Variants in PCDH11X observed in about 807,000 individuals in gnomAD.
PCDH11X encodes protocadherin 11 X-linked.
PCDH11X carries 18 observed loss-of-function variants against 53.3 expected under a neutral mutation model. The observed-to-expected ratio is 0.34, with a 90% confidence interval of 0.23 to 0.50. PCDH11X has a LOEUF of 0.50. Ranked by LOEUF, PCDH11X falls within the 20% of genes least tolerant of loss-of-function variation. The probability of loss-of-function intolerance (pLI) is 0.98; values close to 1 mark genes in which losing one functional copy is unlikely to be tolerated. For missense variants in PCDH11X, 570 were observed against 1,032.4 expected, an observed-to-expected ratio of 0.55 and a Z score of 6.14; for synonymous variants, 279 against 393.3, an observed-to-expected ratio of 0.71 and a Z score of 3.44.
intron 6 of PCDH11X, among the ~76,000 whole-genome samples, chrX:91,903,801 A>T (rs1439562698): frequency 9.0e-6 from 1 of 110,595 alleles, no homozygotes; most frequent in Non-Finnish European, 1.9e-5. Flanking sequence ...AAAATCAGCT[A>T]GGAGAACCAG....
intron 8 of PCDH11X, among the ~76,000 whole-genome samples, chrX:92,270,112 C>CT (rs760007148): frequency 0.06 from 5,713 of 95,489 alleles, 300 homozygotes; most frequent in East Asian, 0.26. Flanking sequence ...GCTTCCTTTT[C>CT]TTTTTTTTTT....
At chrX:92,037,096 A>T (rs1405303257) in intron 6 of PCDH11X, among the ~76,000 whole-genome samples, 1 of 111,360 alleles carries the variant, frequency 9.0e-6, no homozygotes, top group Non-Finnish European at 1.9e-5. Flanking sequence ...GAAAATGCAG[A>T]TTCATTACAT....
intron 7 of PCDH11X, among the ~76,000 whole-genome samples, chrX:92,222,522 T>C (rs1474961843): frequency 8.9e-6 from 1 of 111,898 alleles, no homozygotes; most frequent in Non-Finnish European, 1.9e-5. Context: ...GTTGGCTCTT[T>C]TCTATGATGT....
At chrX:91,854,243 G>A (rs1254408505) in intron 5 of PCDH11X, among the ~76,000 whole-genome samples, 1 of 111,636 alleles carries the variant, frequency 9.0e-6, no homozygotes. Flanking sequence ...CCACAAATAT[G>A]TGAGAACGTG....
intron 10 of PCDH11X, among the ~76,000 whole-genome samples, chrX:92,609,060 T>C (rs7058592): frequency 0.034 from 3,754 of 111,486 alleles, 167 homozygotes; most frequent in African/African-American, 0.12. Context: ...TCATCCATGT[T>C]GCTCTAAGAA....
At chrX:92,326,622 C>CTATA (rs1160866218) in intron 8 of PCDH11X, among the ~76,000 whole-genome samples, 2 of 45,802 alleles carry the variant, frequency 4.4e-5, no homozygotes, top group African/African-American at 3.0e-4. Context: ...TTTTAATAAA[C>CTATA]TATATATATA....
Position 92,221,278 on chromosome X carries a change from A to AATACAC in PCDH11X, c.3114+19824_3114+19825insTACACA, listed in dbSNP as rs1249262957. The stretch of plus-strand genomic sequence containing the variant: ...TTTTAAAAAAGAAAACATTGTATAC[A>AATACAC]ACACACACACACACACACACACACA... On this transcript the variant is annotated intron_variant, in intron 7 of 10. Transcript: ENST00000682573. Among the ~76,000 whole-genome samples the AATACAC allele has an allele frequency of 3.5e-3, 306 of 88,029 alleles. 8 individuals are homozygous for AATACAC. The highest frequency in any genetic ancestry group is 4.0e-3 in the Non-Finnish European group (187 of 46,760). The allele number at this position is 88,029 out of a possible 115,157, so 76.4% of individuals were successfully genotyped here.
chrX:92,321,744 G>A (rs1370707782), intron 8 of PCDH11X, among the ~76,000 whole-genome samples: 1 of 111,044 alleles, frequency 9.0e-6, no homozygotes, highest in East Asian at 2.9e-4. Flanking sequence ...CACCCCAAAA[G>A]GAAGGAAGTA....
chrX:92,142,745 G>A (rs1349550989), intron 6 of PCDH11X, among the ~76,000 whole-genome samples: 2 of 107,803 alleles, frequency 1.9e-5, no homozygotes, highest in African/African-American at 6.6e-5. Flanking sequence ...GTGAACTACT[G>A]GATCATCTAC....
At chrX:91,797,736 A>G (rs1200919307) in intron 1 of PCDH11X, among the ~76,000 whole-genome samples, 4 of 106,816 alleles carry the variant, frequency 3.7e-5, no homozygotes, top group African/African-American at 1.4e-4. Context: ...CAAAAAACTC[A>G]CTCTATATTT....
In PCDH11X at chrX:92,592,679, C is replaced by T. The variant is rs748548945; in HGVS notation, c.3368-25585C>T. Among the ~76,000 whole-genome samples, 6 of 111,770 alleles carry T rather than the reference C, an allele frequency of 5.4e-5. No homozygotes were observed. The East Asian group carries it at 1.4e-3, about 26-fold the overall frequency. On this transcript the variant is annotated intron_variant, in intron 10 of 10. Coordinates refer to ENST00000682573, the MANE Select transcript of PCDH11X (RefSeq NM_032968.5). ...CGGGGAAGCGGAGGTTGCAGTGAGC[C>T]GAGATCGCATCACTGCACTCCAGCC...
chrX:92,302,945 A>G, intron 8 of PCDH11X, among the ~76,000 whole-genome samples: 1 of 109,635 alleles, frequency 9.1e-6, no homozygotes, highest in Non-Finnish European at 1.9e-5. Flanking sequence ...TGATAATGGA[A>G]CAATATTTTG....
intron 6 of PCDH11X, among the ~76,000 whole-genome samples, chrX:91,918,983 G>T (rs954847948): frequency 9.0e-6 from 1 of 111,232 alleles, no homozygotes; most frequent in African/African-American, 3.3e-5. Flanking sequence ...GTCACCCACA[G>T]GAGGGGATAC....
At chrX:92,478,957 G>T (rs994854969) in intron 10 of PCDH11X, among the ~76,000 whole-genome samples, 3 of 108,993 alleles carry the variant, frequency 2.8e-5, no homozygotes, top group African/African-American at 6.7e-5. Context: ...ACTGTCAAAG[G>T]GTGTTGAAAT....
At chrX:92,308,187 A>G (rs1393049217) in intron 8 of PCDH11X, among the ~76,000 whole-genome samples, 5 of 109,617 alleles carry the variant, frequency 4.6e-5, no homozygotes, top group Non-Finnish European at 9.5e-5. Flanking sequence ...GGGACCTTGA[A>G]TAGCTAATAC....
At chrX:92,208,508 A>AAT (rs58212809) in intron 7 of PCDH11X, among the ~76,000 whole-genome samples, 467 of 30,662 alleles carry the variant, frequency 0.015, 51 homozygotes, top group African/African-American at 0.038. Flanking sequence ...CCCTGAAACT[A>AAT]ATATATATAT....
chrX:92,047,130 G>A (rs1287957379), intron 6 of PCDH11X, among the ~76,000 whole-genome samples: 7 of 78,472 alleles, frequency 8.9e-5, no homozygotes, highest in African/African-American at 2.9e-4. Flanking sequence ...TAATAATACC[G>A]TACATTTTAA....
intron 6 of PCDH11X, among the ~76,000 whole-genome samples, chrX:91,882,646 G>T (rs1160156625): frequency 1.8e-5 from 2 of 109,819 alleles, no homozygotes; most frequent in Admixed American, 1.9e-4. Flanking sequence ...CAGAAATGAG[G>T]TGAATGAATG....
intron 7 of PCDH11X, among the ~76,000 whole-genome samples, chrX:92,210,899 A>T (rs766044172): frequency 9.0e-6 from 1 of 111,711 alleles, no homozygotes; most frequent in African/African-American, 3.3e-5. Context: ...CATTGTTCAT[A>T]TAACTATCCA....
Sources: allele counts gnomAD v4.1 joint callset (sites outside exome capture counted in the v4.1 genomes callset), GRCh38; gene constraint gnomAD v4.1.1; transcripts MANE v1.5; gene names NCBI Gene and HGNC (gene_info 2026-07-23, HGNC 2026-07-21).